RAD51B: variants seen among roughly 807,000 people sequenced by gnomAD.
RAD51B encodes DNA repair protein RAD51 homolog 2.
In RAD51B, 38 loss-of-function variants were observed where a neutral mutation model predicts 42.2. That is an observed-to-expected ratio of 0.90 (90% CI 0.70 to 1.18). The LOEUF (loss-of-function observed/expected upper bound fraction) is 1.18, where lower values mean the gene tolerates loss of function less well. Ranked by LOEUF, RAD51B falls within the 50% of genes most tolerant of loss-of-function variation. RAD51B has a pLI of 0.00. For synonymous variants in RAD51B, 154 were observed against 145.2 expected (o/e 1.06, Z -0.43); for missense variants, 373 against 400.7 (o/e 0.93, Z 0.59).
intron 7 of RAD51B, among the ~76,000 whole-genome samples, chr14:68,259,257 A>G (rs1182379247): frequency 7.7e-6 from 1 of 129,834 alleles, no homozygotes; most frequent in African/African-American, 2.9e-5. Flanking sequence ...CCCACCTGTG[A>G]GTGAGGACAC....
chr14:68,592,361 C>T (rs1890790845), intron 10 of RAD51B, among the ~76,000 whole-genome samples: 1 of 151,934 alleles, frequency 6.6e-6, no homozygotes, highest in Non-Finnish European at 1.5e-5. Flanking sequence ...AGCGTATGCA[C>T]CCCAGTTTTA....
intron 7 of RAD51B, among the ~76,000 whole-genome samples, chr14:67,925,850 G>A (rs541155541): frequency 1.8e-4 from 28 of 152,176 alleles, no homozygotes; most frequent in Non-Finnish European, 2.8e-4. Context: ...CAAGGCTTGC[G>A]GCTTGCACCC....
intron 7 of RAD51B, among the ~76,000 whole-genome samples, chr14:68,272,346 G>A (rs975487947): frequency 1.3e-5 from 2 of 151,924 alleles, no homozygotes; most frequent in African/African-American, 4.8e-5. Flanking sequence ...CTTCGCTGCC[G>A]CTGAGAACCA....
intron 7 of RAD51B, among the ~76,000 whole-genome samples, chr14:68,173,287 C>T (rs573740157): frequency 1.8e-4 from 28 of 152,254 alleles, no homozygotes; most frequent in African/African-American, 6.7e-4. Flanking sequence ...GGTCTTTGAT[C>T]TTTTTCCACA....
At chr14:68,549,485 G>A (rs1237685908) in intron 10 of RAD51B, among the ~76,000 whole-genome samples, 1 of 130,134 alleles carries the variant, frequency 7.7e-6, no homozygotes, top group Non-Finnish European at 1.6e-5. Context: ...GCGCGATCTC[G>A]ACTCACTGCA....
intron 8 of RAD51B, among the ~76,000 whole-genome samples, chr14:68,293,951 A>G (rs987607432): frequency 2.0e-5 from 3 of 152,272 alleles, no homozygotes; most frequent in African/African-American, 7.2e-5. Context: ...TCAGAAGAAC[A>G]GTGACCATGA....
intron 4 of RAD51B, chr14:67,843,568 T>G (rs2041507049): frequency 6.6e-6 from 1 of 152,106 alleles, no homozygotes; most frequent in Non-Finnish European, 1.5e-5. Context: ...TTAATTTCTT[T>G]CTGGTTCAAT....
At chr14:68,189,818 A>G (rs1303264717) in intron 7 of RAD51B, among the ~76,000 whole-genome samples, 1 of 151,938 alleles carries the variant, frequency 6.6e-6, no homozygotes, top group Non-Finnish European at 1.5e-5. Context: ...GGCACCCACC[A>G]CCATGCCCGA....
At chr14:68,341,199 T>C (rs555129912) in intron 8 of RAD51B, among the ~76,000 whole-genome samples, 5 of 152,370 alleles carry the variant, frequency 3.3e-5, no homozygotes, top group Non-Finnish European at 7.3e-5. Flanking sequence ...AAAAAATGCA[T>C]GATGAATAAA....
At chr14:68,378,243 C>T (rs1333955989) in intron 8 of RAD51B, among the ~76,000 whole-genome samples, 1 of 152,154 alleles carries the variant, frequency 6.6e-6, no homozygotes, top group Non-Finnish European at 1.5e-5. Context: ...CACATGGGCT[C>T]CTTTTGTTTT....
intron 10 of RAD51B, among the ~76,000 whole-genome samples, chr14:68,635,888 A>C (rs1033222311): frequency 6.6e-6 from 1 of 152,236 alleles, no homozygotes; most frequent in South Asian, 2.1e-4. Context: ...TCTGAGTCTA[A>C]GTGGAGATCT....
intron 7 of RAD51B, among the ~76,000 whole-genome samples, chr14:67,929,460 T>C (rs2044647312): frequency 6.6e-6 from 1 of 152,216 alleles, no homozygotes; most frequent in Non-Finnish European, 1.5e-5. Flanking sequence ...ATACTTGATA[T>C]GATTTTAGCT....
downstream of RAD51B, among the ~76,000 whole-genome samples, chr14:68,480,424 C>T (rs780400950): frequency 1.2e-4 from 18 of 152,148 alleles, no homozygotes; most frequent in Non-Finnish European, 2.1e-4. Context: ...CCTTGCAATG[C>T]GTTCATGCAA....
rs529162532 is a variant in RAD51B, at chr14:68,258,728, A to G, written c.757-33156A>G. 4.6e-5 allele frequency among the ~76,000 whole-genome samples: 7 copies of G among 152,272 alleles called. No homozygotes were observed. In the East Asian group the frequency reaches 9.7e-4, roughly 21 times the overall value. Reference sequence around the variant, plus strand: ...CACAGACTGCCTGTTATTTGGGGGCAGGTCATGACCATCCCCATGAGATAG... The same window carrying G: ...CACAGACTGCCTGTTATTTGGGGGCGGGTCATGACCATCCCCATGAGATAG... On this transcript the variant is annotated intron_variant, in intron 7 of 10. Transcript: ENST00000471583.
chr14:68,166,536 G>T (rs1225453618), intron 7 of RAD51B, among the ~76,000 whole-genome samples: 1 of 152,104 alleles, frequency 6.6e-6, no homozygotes, highest in Non-Finnish European at 1.5e-5. Flanking sequence ...ATTTTTAGCT[G>T]TGAATCAAGT....
At chr14:68,167,081 A>G (rs923592384) in intron 7 of RAD51B, among the ~76,000 whole-genome samples, 1 of 152,160 alleles carries the variant, frequency 6.6e-6, no homozygotes, top group Non-Finnish European at 1.5e-5. Context: ...CAAAATGCAA[A>G]TCATAGAATA....
intron 7 of RAD51B, among the ~76,000 whole-genome samples, chr14:67,907,325 G>A (rs552829705): frequency 1.3e-5 from 2 of 151,980 alleles, no homozygotes; most frequent in Admixed American, 6.5e-5. Context: ...TGTGATGTTA[G>A]GTTGTTAATT....
At chr14:68,161,354 A>G (rs147485484) in intron 7 of RAD51B, among the ~76,000 whole-genome samples, 19 of 152,308 alleles carry the variant, frequency 1.2e-4, no homozygotes, top group African/African-American at 4.1e-4. Context: ...TAGCTTAGCA[A>G]CCTTAGTAGA....
At chr14:68,623,331 T>A (rs1165147378) in intron 10 of RAD51B, among the ~76,000 whole-genome samples, 2 of 152,214 alleles carry the variant, frequency 1.3e-5, no homozygotes, top group African/African-American at 4.8e-5. Context: ...GGTGTCACTC[T>A]TGGGGAACCT....
Sources: allele counts gnomAD v4.1 joint callset (sites outside exome capture counted in the v4.1 genomes callset), GRCh38; gene constraint gnomAD v4.1.1; transcripts MANE v1.5; gene names NCBI Gene and HGNC (gene_info 2026-07-23, HGNC 2026-07-21).